Variants in PTPRD observed in about 807,000 individuals in gnomAD.
The protein encoded by PTPRD is receptor-type tyrosine-protein phosphatase delta.
In PTPRD, 34 loss-of-function variants were observed where a neutral mutation model predicts 214.5. The observed-to-expected ratio is 0.16, with a 90% CI of 0.12 to 0.21. PTPRD has a LOEUF of 0.21. Ranked by LOEUF, PTPRD falls within the 10% of genes least tolerant of loss-of-function variation. The pLI, the probability that PTPRD is intolerant of heterozygous loss-of-function variation, is 1.00. For missense variants in PTPRD, 2,545 were observed against 2,398.7 expected, an observed-to-expected ratio of 1.06 and a Z score of -1.27; for synonymous variants, 1,128 against 845.7, an observed-to-expected ratio of 1.33 and a Z score of -5.79.
intron 3 of PTPRD, among the ~76,000 whole-genome samples, chr9:10,139,970 A>G (rs2098971638): frequency 6.6e-6 from 1 of 152,092 alleles, no homozygotes; most frequent in Non-Finnish European, 1.5e-5. Context: ...TCTTGATATC[A>G]GCCTTGGCAA....
chr9:9,095,141 G>C (rs1004241835), intron 10 of PTPRD, among the ~76,000 whole-genome samples: 3 of 151,954 alleles, frequency 2.0e-5, no homozygotes, highest in Admixed American at 6.6e-5. Flanking sequence ...AAACCCTATA[G>C]CTAATTTCAC....
intron 14 of PTPRD, among the ~76,000 whole-genome samples, chr9:8,629,266 G>T (rs958478446): frequency 1.3e-4 from 20 of 151,764 alleles, no homozygotes; most frequent in Non-Finnish European, 2.9e-4. Context: ...CCCAAAAGAA[G>T]CAAGTACCCT....
chr9:9,747,677 G>C (rs1376017133), intron 6 of PTPRD, among the ~76,000 whole-genome samples: 2 of 151,762 alleles, frequency 1.3e-5, no homozygotes, highest in Admixed American at 1.3e-4. Context: ...CTCCTGAGTA[G>C]CTGGGATTAC....
At chr9:9,996,587 C>A (rs369205009) in intron 4 of PTPRD, among the ~76,000 whole-genome samples, 5 of 152,150 alleles carry the variant, frequency 3.3e-5, no homozygotes, top group South Asian at 2.1e-4. Flanking sequence ...GAAAGTGAAG[C>A]TGAGGAAAAT....
chr9:8,645,544 C>A lies in PTPRD; in HGVS notation c.65-8700G>T, dbSNP rs62530718. Among the ~76,000 whole-genome samples, 1,094 of 152,190 alleles carry A rather than the reference C, an allele frequency of 7.2e-3. 8 individuals carry two copies. Among genetic ancestry groups the A allele is most frequent in the Non-Finnish European group, 9.1e-3 (620 of 68,018 alleles). ...AATTCCTTTAGAATGAGTATTAAAG[C>A]ATTTCCCATTTGGTAGATAGATATC... On this transcript the variant is annotated intron_variant, in intron 12 of 45. Coordinates refer to ENST00000381196, the MANE Select transcript of PTPRD (RefSeq NM_002839.4).
At chr9:8,803,441 A>C (rs935144803) in intron 11 of PTPRD, among the ~76,000 whole-genome samples, 1 of 151,948 alleles carries the variant, frequency 6.6e-6, no homozygotes, top group Non-Finnish European at 1.5e-5. Context: ...TTAGTAATCT[A>C]CTCTGTTCAG....
chr9:8,881,158 T>A (rs1299073141), intron 11 of PTPRD, among the ~76,000 whole-genome samples: 1 of 152,206 alleles, frequency 6.6e-6, no homozygotes, highest in African/African-American at 2.4e-5. Flanking sequence ...ATTAAGCACT[T>A]ACTGTATTCC....
At chr9:8,553,651 T>C (rs540639578) in intron 14 of PTPRD, among the ~76,000 whole-genome samples, 1 of 152,348 alleles carries the variant, frequency 6.6e-6, no homozygotes, top group East Asian at 1.9e-4. Context: ...CTAAAATGTA[T>C]GCTCTCATCG....
At chr9:9,929,487 G>C (rs2085593003) in intron 5 of PTPRD, among the ~76,000 whole-genome samples, 1 of 152,154 alleles carries the variant, frequency 6.6e-6, no homozygotes, top group Non-Finnish European at 1.5e-5. Context: ...TCTGCCTCCT[G>C]GGTTCAAACG....
intron 11 of PTPRD, among the ~76,000 whole-genome samples, chr9:8,995,770 T>C (rs1204428832): frequency 1.3e-5 from 2 of 151,606 alleles, no homozygotes; most frequent in African/African-American, 4.9e-5. Flanking sequence ...AAAAATTCTA[T>C]TTAGGATACA....
At chr9:10,149,207 G>A (rs2099044043) in intron 3 of PTPRD, among the ~76,000 whole-genome samples, 2 of 152,130 alleles carry the variant, frequency 1.3e-5, no homozygotes. Context: ...TATATCCCAT[G>A]GCAGTCATGT....
At chr9:9,843,391 G>C (rs998591606) in intron 5 of PTPRD, among the ~76,000 whole-genome samples, 1 of 151,874 alleles carries the variant, frequency 6.6e-6, no homozygotes, top group Non-Finnish European at 1.5e-5. Context: ...CTTTCTGTCT[G>C]TTTCTCAAAT....
At chr9:9,804,789 A>C (rs1421461350) in intron 5 of PTPRD, among the ~76,000 whole-genome samples, 2 of 151,624 alleles carry the variant, frequency 1.3e-5, no homozygotes, top group Admixed American at 1.3e-4. Context: ...ATGTTTGATT[A>C]TAATCAGATG....
At chr9:10,276,061 C>G (rs1472479564) in intron 3 of PTPRD, among the ~76,000 whole-genome samples, 1 of 152,188 alleles carries the variant, frequency 6.6e-6, no homozygotes, top group Non-Finnish European at 1.5e-5. Flanking sequence ...ATGTTTAGCA[C>G]AGGATTGCTG....
At chr9:8,909,762 T>C (rs1022288481) in intron 11 of PTPRD, among the ~76,000 whole-genome samples, 4 of 145,270 alleles carry the variant, frequency 2.8e-5, no homozygotes, top group Admixed American at 1.5e-4. Flanking sequence ...GAGATAGAGA[T>C]AGAGACAGAG....
At chr9:10,546,279 A>T (rs565977951) in intron 2 of PTPRD, among the ~76,000 whole-genome samples, 1 of 152,172 alleles carries the variant, frequency 6.6e-6, no homozygotes, top group East Asian at 1.9e-4. Flanking sequence ...TGTGTATATT[A>T]AAGCCTTGAT....
chr9:9,090,859 A>C (rs1027217551), intron 10 of PTPRD: 3 of 880,064 alleles, frequency 3.4e-6, no homozygotes, highest in East Asian at 2.4e-5. Flanking sequence ...ACAGGTTAAA[A>C]ATTTCTTTAA....
chr9:9,242,847 G>C (rs1235280282), intron 9 of PTPRD, among the ~76,000 whole-genome samples: 1 of 152,120 alleles, frequency 6.6e-6, no homozygotes, highest in Non-Finnish European at 1.5e-5. Flanking sequence ...ACTTGTCAAA[G>C]TCATTCTCTG....
intron 11 of PTPRD, among the ~76,000 whole-genome samples, chr9:8,924,992 A>G (rs2098861498): frequency 6.6e-6 from 1 of 152,092 alleles, no homozygotes; most frequent in Admixed American, 6.6e-5. Context: ...TTGGTCCCAT[A>G]TGTTATATTC....
Sources: allele counts gnomAD v4.1 joint callset (sites outside exome capture counted in the v4.1 genomes callset), GRCh38; gene constraint gnomAD v4.1.1; transcripts MANE v1.5; gene names NCBI Gene and HGNC (gene_info 2026-07-23, HGNC 2026-07-21).